The following EYS variants were observed in gnomAD, a reference collection of about 807,000 sequenced individuals.
The protein encoded by EYS is protein eyes shut homolog.
EYS carries 250 observed loss-of-function variants against 282.1 expected under a neutral mutation model. That is an observed-to-expected ratio of 0.89 (90% CI 0.80 to 0.98). The LOEUF (loss-of-function observed/expected upper bound fraction) is 0.98. EYS is among the 50% of genes least tolerant of loss of function. The probability of loss-of-function intolerance (pLI) is 0.00; values close to 1 mark genes in which losing one functional copy is unlikely to be tolerated. For synonymous variants in EYS, 1,355 were observed against 1,282.9 expected, an observed-to-expected ratio of 1.06 and a Z score of -1.20; for missense variants, 4,016 against 3,709.0, an observed-to-expected ratio of 1.08 and a Z score of -2.15.
intron 15 of EYS, among the ~76,000 whole-genome samples, chr6:64,928,147 G>T (rs2150085447): frequency 6.6e-6 from 1 of 152,070 alleles, no homozygotes; most frequent in East Asian, 1.9e-4. Context: ...AATACCTTAT[G>T]AAAAGTCTAT....
intron 29 of EYS, among the ~76,000 whole-genome samples, chr6:64,359,012 G>A (rs933503819): frequency 6.6e-6 from 1 of 151,484 alleles, no homozygotes; most frequent in Non-Finnish European, 1.5e-5. Flanking sequence ...AAAGTTTCGG[G>A]CATTTAAGAG....
chr6:65,481,455 A>T (rs1361090548), intron 5 of EYS, among the ~76,000 whole-genome samples: 1 of 152,172 alleles, frequency 6.6e-6, no homozygotes, highest in Non-Finnish European at 1.5e-5. Context: ...CTGAGATCTC[A>T]TAATTATCAA....
chr6:64,390,141 T>C (rs2150426249), intron 28 of EYS, among the ~76,000 whole-genome samples: 1 of 152,124 alleles, frequency 6.6e-6, no homozygotes, highest in South Asian at 2.1e-4. Flanking sequence ...GGAGTCTCGC[T>C]GATTGCTAGC....
intron 31 of EYS, among the ~76,000 whole-genome samples, chr6:64,195,788 A>G (rs1357380945): frequency 6.6e-6 from 1 of 152,152 alleles, no homozygotes; most frequent in Non-Finnish European, 1.5e-5. Flanking sequence ...TCAGTGTATT[A>G]AAATTTAAAC....
intron 11 of EYS, chr6:65,332,309 G>A (rs1000138058): frequency 5.2e-5 from 37 of 709,534 alleles, no homozygotes; most frequent in Non-Finnish European, 8.1e-5. Flanking sequence ...TTGATTTTAA[G>A]CCACTAAATC....
Position 65,097,994 on chromosome 6 carries a change from A to G in EYS, c.2024-40267T>C, listed in dbSNP as rs185503229. ...TTGTTTCTGTGTGATGTTAACTAAC[A>G]CAAGCACGTATTTTTGCTTTTGTTT... On this transcript the variant is annotated intron_variant, in intron 12 of 42. Transcript: ENST00000503581. Among the ~76,000 whole-genome samples, 143 of 150,840 alleles carry G rather than the reference A, an allele frequency of 9.5e-4. 1 individual carries two copies. Among genetic ancestry groups the G allele is most frequent in the Non-Finnish European group, 1.8e-3 (118 of 67,032 alleles).
At position 64,039,654 on chromosome 6, in the gene EYS, C is replaced by T. The variant is rs184344071; in HGVS notation, c.6725+26684G>A. ...TTATTTAAATGGGAATATAAGGTTGCCATTGTTTTAATGGCAAAAAAAAAT... is the reference window on the plus strand; with the variant it reads ...TTATTTAAATGGGAATATAAGGTTGTCATTGTTTTAATGGCAAAAAAAAAT... On this transcript the variant is annotated intron_variant, in intron 33 of 42. Transcript: ENST00000503581. Among the ~76,000 whole-genome samples the T allele has an allele frequency of 2.0e-3, 307 of 151,926 alleles. 1 individual carries two copies. The highest frequency in any genetic ancestry group is 6.8e-3 in the Middle Eastern group (2 of 294).
chr6:65,129,729 T>C (rs988951305), intron 12 of EYS, among the ~76,000 whole-genome samples: 1 of 151,790 alleles, frequency 6.6e-6, no homozygotes, highest in Non-Finnish European at 1.5e-5. Context: ...TGTAAATAAG[T>C]CACTGGAGGG....
intron 2 of EYS, among the ~76,000 whole-genome samples, chr6:65,579,394 A>T (rs762372622): frequency 1.2e-3 from 179 of 152,304 alleles, no homozygotes; most frequent in Non-Finnish European, 2.2e-3. Flanking sequence ...TATTTACAAT[A>T]TATTTCTGGA....
At chr6:64,737,740 G>A (rs1772229503) in intron 22 of EYS, among the ~76,000 whole-genome samples, 1 of 152,162 alleles carries the variant, frequency 6.6e-6, no homozygotes, top group South Asian at 2.1e-4. Context: ...TCCACAACAT[G>A]CAGGAGTTCA....
intron 9 of EYS, among the ~76,000 whole-genome samples, chr6:65,347,860 C>T (rs1328776519): frequency 1.3e-5 from 2 of 151,306 alleles, no homozygotes; most frequent in East Asian, 3.9e-4. Context: ...CATTATCTAT[C>T]CCCACTTCCA....
intron 26 of EYS, among the ~76,000 whole-genome samples, chr6:64,446,435 A>C (rs959860627): frequency 6.6e-6 from 1 of 152,158 alleles, no homozygotes; most frequent in Non-Finnish European, 1.5e-5. Flanking sequence ...AAAATACACC[A>C]AATGAGTATA....
intron 31 of EYS, among the ~76,000 whole-genome samples, chr6:64,091,010 T>G (rs952259604): frequency 6.6e-6 from 1 of 152,174 alleles, no homozygotes; most frequent in African/African-American, 2.4e-5. Context: ...CCCTTTCAGT[T>G]TGGCATCGAA....
intron 12 of EYS, among the ~76,000 whole-genome samples, chr6:65,077,110 A>T (rs535982224): frequency 2.0e-5 from 3 of 152,202 alleles, no homozygotes; most frequent in Admixed American, 1.3e-4. Flanking sequence ...GTGTGGAAGC[A>T]GTATAGTCTC....
At chr6:64,609,956 T>C (rs1767056362) in intron 24 of EYS, among the ~76,000 whole-genome samples, 1 of 151,490 alleles carries the variant, frequency 6.6e-6, no homozygotes, top group Non-Finnish European at 1.5e-5. Flanking sequence ...ATCTTAAAAA[T>C]AAATGGATAT....
intron 7 of EYS, among the ~76,000 whole-genome samples, chr6:65,401,918 C>A (rs1766519034): frequency 6.6e-6 from 1 of 151,810 alleles, no homozygotes; most frequent in Admixed American, 6.6e-5. Context: ...GAGAAAATGT[C>A]TATAAAGCTA....
intron 14 of EYS, among the ~76,000 whole-genome samples, chr6:64,976,621 C>A (rs547211099): frequency 1.3e-5 from 2 of 152,012 alleles, no homozygotes; most frequent in Admixed American, 1.3e-4. Context: ...TTGAAATGCT[C>A]CACCTACTAA....
At chr6:65,365,632 A>G (rs1764889220) in intron 8 of EYS, among the ~76,000 whole-genome samples, 1 of 151,682 alleles carries the variant, frequency 6.6e-6, no homozygotes, top group Non-Finnish European at 1.5e-5. Flanking sequence ...GTGTGCCTGG[A>G]GTTGAGTTTC....
intron 1 of EYS, among the ~76,000 whole-genome samples, chr6:65,648,041 G>A (rs1212584635): frequency 1.4e-5 from 2 of 147,288 alleles, no homozygotes; most frequent in Non-Finnish European, 3.0e-5. Flanking sequence ...ATCTTGGCGT[G>A]GATGTGGTGA....
Sources: gnomAD v4.1 joint callset for allele counts (sites outside exome capture counted in the v4.1 genomes callset) on GRCh38, gnomAD v4.1.1 for gene constraint, MANE v1.5 for transcripts, NCBI Gene and HGNC (gene_info 2026-07-23, HGNC 2026-07-21) for gene names.